Variants in ANO2 observed in about 807,000 individuals in gnomAD.
ANO2 encodes anoctamin 2, also known as anoctamin-2.
A neutral mutation model predicts 124.2 loss-of-function variants in ANO2; 101 were observed. The observed-to-expected ratio is 0.81, with a 90% confidence interval of 0.69 to 0.96. ANO2 has a LOEUF of 0.96. Among genes scored for constraint, ANO2 ranks in the 40% least tolerant of loss-of-function variants. The pLI, the probability that ANO2 is intolerant of heterozygous loss-of-function variation, is 0.00. For missense variants in ANO2, 1,293 were observed against 1,274.5 expected (o/e 1.01, Z -0.22); for synonymous variants, 486 against 482.5 (o/e 1.01, Z -0.09).
chr12:5,619,658 T>A (rs901284046), intron 16 of ANO2, among the ~76,000 whole-genome samples: 4 of 152,152 alleles, frequency 2.6e-5, no homozygotes, highest in African/African-American at 7.2e-5. Context: ...TCTTCCCTCA[T>A]CTCCTGTGGA....
chr12:5,818,428 A>C, intron 7 of ANO2, among the ~76,000 whole-genome samples: 1 of 134,012 alleles, frequency 7.5e-6, no homozygotes. Context: ...CATGTGAGTT[A>C]ATACTTAATA....
At chr12:5,867,605 A>G (rs923534505) in intron 3 of ANO2, among the ~76,000 whole-genome samples, 11 of 152,194 alleles carry the variant, frequency 7.2e-5, no homozygotes, top group African/African-American at 2.4e-4. Flanking sequence ...ATTAGCAATT[A>G]TCACACAAGT....
chr12:5,799,700 G>A (rs942346644), intron 9 of ANO2, 129 bp from the exon 10 acceptor site: 3 of 793,532 alleles, frequency 3.8e-6, no homozygotes, highest in Admixed American at 2.2e-5. Context: ...GAGACATCCA[G>A]GGGGAGATGT....
intron 24 of ANO2, chr12:5,564,737 ATCAT>A (rs1190585653): frequency 6.6e-6 from 1 of 152,266 alleles, no homozygotes; most frequent in African/African-American, 2.4e-5. Context: ...TGTCTGAGCG[ATCAT>A]TCAAACATAT....
At chr12:5,807,425 A>T in intron 7 of ANO2, 57 bp from the exon 8 acceptor site, 2 of 1,462,402 alleles carry the variant, frequency 1.4e-6, no homozygotes, top group Non-Finnish European at 1.9e-6. Context: ...TCTCAACTTA[A>T]CCCCTGTTTT....
In ANO2 at chr12:5,750,883, C is replaced by G. The variant is rs372999132; in HGVS notation, c.1143G>C (p.Val381=). The G allele has an allele frequency of 6.2e-7, 1 of 1,612,834 alleles. No homozygotes were observed. Among genetic ancestry groups the G allele is most frequent in the Non-Finnish European group, 8.5e-7 (1 of 1,179,380 alleles). ...TTGCACATCCATAAAGAAACACAAT[C>G]ACTCCAATTACAGAAGATGGGATGA... The part of the protein sequence containing the change: ...SFLIPSSVIG[V]IVFLYGCATI... The change falls in exon 11 of 25, where the codon GTG becomes GTC. Residue 381 remains valine (V), a synonymous_variant. Transcript: ENST00000682330.
chr12:5,867,340 T>C (rs997905679), intron 3 of ANO2, among the ~76,000 whole-genome samples: 3 of 152,214 alleles, frequency 2.0e-5, no homozygotes, highest in African/African-American at 4.8e-5. Context: ...GGCACTTGTA[T>C]GCAAACCCCA....
chr12:5,737,517 G>A (rs1950921049), intron 13 of ANO2, among the ~76,000 whole-genome samples: 1 of 152,220 alleles, frequency 6.6e-6, no homozygotes, highest in Non-Finnish European at 1.5e-5. Flanking sequence ...CTAACAGCAA[G>A]ACGTGAGGGC....
At chr12:5,565,520 C>A in intron 24 of ANO2, 38 bp downstream of exon 24, 1 of 1,523,394 alleles carries the variant, frequency 6.6e-7, no homozygotes, top group East Asian at 2.4e-5. Context: ...TCCTGCAGCC[C>A]GGATTCGAAT....
intron 16 of ANO2, among the ~76,000 whole-genome samples, chr12:5,630,975 C>T (rs117350510): frequency 1.6e-4 from 25 of 152,322 alleles, no homozygotes; most frequent in Non-Finnish European, 3.2e-4. Flanking sequence ...CAGCTGTCTT[C>T]CCCTGACATG....
intron 3 of ANO2, among the ~76,000 whole-genome samples, chr12:5,890,972 G>A (rs1246126007): frequency 6.6e-6 from 1 of 152,140 alleles, no homozygotes; most frequent in East Asian, 1.9e-4. Context: ...TCACTTCATT[G>A]AGTTTGCCTT....
intron 3 of ANO2, among the ~76,000 whole-genome samples, chr12:5,895,523 A>AT (rs1491166589): frequency 6.6e-6 from 1 of 152,188 alleles, no homozygotes; most frequent in Non-Finnish European, 1.5e-5. Context: ...GCCAACAAAC[A>AT]TATGAAAAAA....
At position 5,597,582 on chromosome 12, in the gene ANO2, C is replaced by A. The variant is rs755475412; in HGVS notation, c.2233+1902G>T. On this transcript the variant is annotated intron_variant, in intron 20 of 24. Transcript: ENST00000682330. ...AAAACTTTGGGGTCTCTGCTCTAAT[C>A]ACCCAAAAGAGGAAGCTTTGAAATA... Among the ~76,000 whole-genome samples the A allele has an allele frequency of 2.6e-5, 4 of 152,220 alleles. No individual in the cohort carries two copies. The East Asian group carries it at 7.7e-4, about 29-fold the overall frequency.
intron 14 of ANO2, among the ~76,000 whole-genome samples, chr12:5,710,225 C>T (rs1197396699): frequency 1.3e-5 from 2 of 152,188 alleles, no homozygotes; most frequent in African/African-American, 4.8e-5. Context: ...GGGACAGGCC[C>T]TGGCTGCTGC....
At chr12:5,736,863 C>G (rs527853049) in intron 13 of ANO2, among the ~76,000 whole-genome samples, 2 of 152,274 alleles carry the variant, frequency 1.3e-5, no homozygotes, top group Non-Finnish European at 2.9e-5. Context: ...CGTGGGCACC[C>G]CTTCTTCCCT....
At chr12:5,917,210 A>T (rs1941431956) in intron 3 of ANO2, among the ~76,000 whole-genome samples, 1 of 152,194 alleles carries the variant, frequency 6.6e-6, no homozygotes, top group African/African-American at 2.4e-5. Context: ...GACAGAAACC[A>T]GAATGAAGCA....
intron 1 of ANO2, among the ~76,000 whole-genome samples, chr12:5,930,454 T>C (rs1942311194): frequency 6.6e-6 from 1 of 151,996 alleles, no homozygotes; most frequent in Non-Finnish European, 1.5e-5. Context: ...TCCAGACGGG[T>C]AGGTGCGGAC....
chr12:5,694,836 G>A (rs908464700), intron 14 of ANO2, among the ~76,000 whole-genome samples: 3 of 151,988 alleles, frequency 2.0e-5, no homozygotes, highest in Non-Finnish European at 1.5e-5. Flanking sequence ...GGTCAGAGAT[G>A]GCCTGAATTC....
At chr12:5,877,867 C>G (rs1263072199) in intron 3 of ANO2, among the ~76,000 whole-genome samples, 1 of 152,194 alleles carries the variant, frequency 6.6e-6, no homozygotes, top group Admixed American at 6.5e-5. Flanking sequence ...AATCGAATGC[C>G]GCCGCTGATC....
Sources: gnomAD v4.1 joint callset for allele counts (sites outside exome capture counted in the v4.1 genomes callset) on GRCh38, gnomAD v4.1.1 for gene constraint, MANE v1.5 for transcripts, NCBI Gene and HGNC (gene_info 2026-07-23, HGNC 2026-07-21) for gene names.